Variants in TSC2 observed in about 807,000 individuals in gnomAD.
The protein encoded by TSC2 is TSC complex subunit 2, also known as tuberin.
In TSC2, 29 loss-of-function variants were observed where a neutral mutation model predicts 202.2. That is an observed-to-expected ratio of 0.14 (90% CI 0.11 to 0.20). TSC2 has a LOEUF of 0.20. Ranked by LOEUF, TSC2 falls within the 10% of genes least tolerant of loss-of-function variation. The pLI is 1.00. For synonymous variants in TSC2, 1,349 were observed against 1,044.0 expected (o/e 1.29, Z -5.63); for missense variants, 2,429 against 2,420.0 (o/e 1.00, Z -0.08).
chr16:2,060,024 G>A (rs986288079), intron 10 of TSC2, among the ~76,000 whole-genome samples: 2 of 152,220 alleles, frequency 1.3e-5, no homozygotes, highest in Non-Finnish European at 2.9e-5. Context: ...GTTGGCAGTG[G>A]AGGGGTGAAC....
chr16:2,063,318 C>T, intron 14 of TSC2: 1 of 589,394 alleles, frequency 1.7e-6, no homozygotes, highest in South Asian at 2.0e-5. Flanking sequence ...CGGTTTTCAC[C>T]CAACACAGGA....
rs746729857 is a variant in TSC2 at position 2,084,591 on chromosome 16, C to T, written c.4369C>T (p.Arg1457Trp). The T allele has an allele frequency of 3.1e-6, 5 of 1,604,974 alleles. No individual in the cohort carries two copies. Among genetic ancestry groups the T allele is most frequent in the Non-Finnish European group, 4.2e-6 (5 of 1,179,694 alleles). ...SSSPRSPSGLRPRGYTISDSA... is the reference protein window; with the variant it reads ...SSSPRSPSGLWPRGYTISDSA... Reference sequence around the variant, plus strand: ...CTCCCCCCGCTCGCCCAGTGGCCTCCGGCCCCGAGGTTACACCATCTCCGA... The same window carrying T: ...CTCCCCCCGCTCGCCCAGTGGCCTCTGGCCCCGAGGTTACACCATCTCCGA... The change falls in exon 34 of 42, where the codon CGG (arginine) becomes TGG (tryptophan). Residue 1457 changes from arginine to tryptophan, a missense_variant. Transcript: ENST00000219476.
chr16:2,082,451 C>T lies in TSC2; in HGVS notation c.3830C>T (p.Ser1277Phe), dbSNP rs1330915229. 1.2e-6 allele frequency: 2 copies of T among 1,612,560 alleles called. No individual in the cohort carries two copies. The highest frequency in any genetic ancestry group is 1.3e-5 in the African/African-American group (1 of 75,066). The change falls in exon 32 of 42, where the codon TCC becomes TTC. Residue 1277 changes from serine to phenylalanine, a missense_variant. Coordinates refer to ENST00000219476, the MANE Select transcript of TSC2 (RefSeq NM_000548.5). ...PRSNTVASFSSLYQSSCQGQL... is the reference protein window; with the variant it reads ...PRSNTVASFSFLYQSSCQGQL... ...TCCCTTGCAGTGGCCTCTTTCTCCTCCCTGTACCAGTCCAGCTGCCAAGGA... is the reference window on the plus strand; with the variant it reads ...TCCCTTGCAGTGGCCTCTTTCTCCTTCCTGTACCAGTCCAGCTGCCAAGGA...
rs2088180351 is a variant in TSC2, at chr16:2,070,703, C to T, written c.1839+125C>T. ...ATGGGGCCTCAGCTGACCGTCCCTC[C>T]TCTGCACCCACTGTGGCCGCAGCCT... On this transcript the variant is annotated intron_variant, in intron 17 of 41. Transcript: ENST00000219476. The T allele has an allele frequency of 3.4e-6, 5 of 1,489,400 alleles. No individual in the cohort carries two copies. The African/African-American group carries it at 4.2e-5, about 12-fold the overall frequency. The allele number at this position is 1,489,400 out of a possible 1,614,324, so 92.3% of individuals were successfully genotyped here. A position where few individuals can be genotyped will look rare whatever the true frequency, so the allele number is the denominator to read the frequency against.
In TSC2 at chr16:2,089,420, G is replaced by T; in HGVS notation, c.*810G>T. The T allele has an allele frequency of 2.1e-6, 1 of 470,018 alleles. No homozygotes were observed. Among genetic ancestry groups the T allele is most frequent in the Admixed American group, 3.6e-5 (1 of 27,476 alleles). The allele number at this position is 470,018 out of a possible 1,614,324, so 29.1% of individuals were successfully genotyped here. ...TTAGCAGTGGGGGACATCTGCCCAG[G>T]GGGTGGGGCCGGGCACAGCCCGCTG... On this transcript the variant is annotated 3_prime_UTR_variant, in exon 42 of 42. Coordinates refer to ENST00000219476, the MANE Select transcript of TSC2 (RefSeq NM_000548.5).
chr16:2,083,039 C>T (rs995370620), intron 32 of TSC2: 3 of 447,868 alleles, frequency 6.7e-6, no homozygotes, highest in Admixed American at 2.4e-5. Flanking sequence ...CACGTGCAGA[C>T]GAGCTGGTTT....
At chr16:2,073,058 T>G (rs1424414329) in intron 21 of TSC2, 75 bp downstream of exon 21, 1 of 1,604,792 alleles carries the variant, frequency 6.2e-7, no homozygotes, top group African/African-American at 1.3e-5. Flanking sequence ...AGGCCCCACA[T>G]TTTTCTCATA....
chr16:2,072,215 T>C (rs1241465829), intron 19 of TSC2, 26 bp from the exon 20 acceptor site: 1 of 1,613,668 alleles, frequency 6.2e-7, no homozygotes, highest in South Asian at 1.1e-5. Flanking sequence ...CAGAAGGCCC[T>C]GTCCTGACGC....
chr16:2,084,980 C>G lies in TSC2; in HGVS notation c.4523C>G (p.Pro1508Arg). 6.2e-7 allele frequency: 1 copy of G among 1,613,366 alleles called. No individual in the cohort carries two copies. The highest frequency in any genetic ancestry group is 8.5e-7 in the Non-Finnish European group (1 of 1,179,982). The change falls in exon 35 of 42, where the codon CCC becomes CGC. Residue 1508 changes from proline (P) to arginine (R), a missense_variant. Physicochemically the swap from Pro to Arg is moderately radical, Grantham distance 103. Coordinates refer to ENST00000219476, the MANE Select transcript of TSC2 (RefSeq NM_000548.5). ...GTGTTCCTGCAGCTCTACCATTCCC[C>G]CTTCTTTGGCGACGAGTCAAACAAG... ...SFVFLQLYHS[P>R]FFGDESNKPI...
chr16:2,077,907 G>A (rs901517073), intron 26 of TSC2, among the ~76,000 whole-genome samples, 181 bp downstream of exon 26: 2 of 152,170 alleles, frequency 1.3e-5, no homozygotes, highest in Admixed American at 1.3e-4. Flanking sequence ...CCCCGTATGA[G>A]CACGGGCTGG....
chr16:2,086,061 G>A, intron 36 of TSC2, 132 bp from the exon 37 acceptor site: 1 of 1,059,042 alleles, frequency 9.4e-7, no homozygotes, highest in Admixed American at 2.0e-5. Flanking sequence ...GGTGGCTGCT[G>A]GAATGGATGG....
At chr16:2,071,999 T>C (rs2151311120) in intron 19 of TSC2, 65 bp downstream of exon 19, 1 of 1,510,986 alleles carries the variant, frequency 6.6e-7, no homozygotes, top group Non-Finnish European at 8.9e-7. Flanking sequence ...AGCTGCCACC[T>C]GCCTGCTGGG....
intron 35 of TSC2, 68 bp downstream of exon 35, chr16:2,085,094 G>T: frequency 6.2e-7 from 1 of 1,607,022 alleles, no homozygotes; most frequent in Non-Finnish European, 8.5e-7. Flanking sequence ...GGGGGGCCCA[G>T]CTCTGCTGCT....
In TSC2 at chr16:2,072,354, C is replaced by T. The variant is rs369851248; in HGVS notation, c.2211C>T (p.Leu737=). ...GTGTGGACCAGCTGTGCTCTGCTCT[C>T]TGCTCCATGGTACCATGGCCGGCCT... is the stretch of plus-strand genomic sequence containing the variant. ...PCSVDQLCSA[L]CSMLSGPKTL... is the part of the protein sequence containing the mutation. Residue 737 remains leucine (L), a synonymous_variant, in exon 20 of 42, where the codon CTC becomes CTT. Coordinates refer to ENST00000219476, the MANE Select transcript of TSC2 (RefSeq NM_000548.5). The T allele has an allele frequency of 7.4e-6, 12 of 1,614,112 alleles. No homozygotes were observed. The highest frequency in any genetic ancestry group is 2.2e-5 in the East Asian group (1 of 44,874).
At chr16:2,083,947 C>T (rs2090448802) in intron 33 of TSC2, 131 bp downstream of exon 33, 12 of 1,430,772 alleles carry the variant, frequency 8.4e-6, no homozygotes, top group East Asian at 4.9e-5. Context: ...CCACATCCCT[C>T]GTGCACAGAC....
At chr16:2,072,494 CTG>C (rs1266664937) in intron 20 of TSC2, 131 bp downstream of exon 20, 2 of 1,419,298 alleles carry the variant, frequency 1.4e-6, no homozygotes, top group East Asian at 4.6e-5. Flanking sequence ...CAGCTGCACT[CTG>C]GAGCGCAGAT....
intron 31 of TSC2, chr16:2,082,160 C>G (rs1442657191): frequency 1.3e-5 from 8 of 594,754 alleles, no homozygotes; most frequent in Non-Finnish European, 2.4e-5. Flanking sequence ...GCCCCCACCC[C>G]ACTCGGCACC....
Position 2,080,547 on chromosome 16 carries a change from A to G in TSC2, c.3610+170A>G, listed in dbSNP as rs9933952. 2.3e-4 allele frequency: 177 copies of G among 753,398 alleles called. 1 individual carries two copies. The highest frequency in any genetic ancestry group is 1.6e-3 in the Admixed American group (57 of 35,814). The allele number at this position is 753,398 out of a possible 1,614,324, so 46.7% of individuals were successfully genotyped here. A position where few individuals can be genotyped will look rare whatever the true frequency, so the allele number is the denominator to read the frequency against. Reference sequence around the variant, plus strand: ...GGCCCACGCTGGAACGCAGTGGCGCAATCTCGGCTCACTGCAAGCTCCACC... The same window carrying G: ...GGCCCACGCTGGAACGCAGTGGCGCGATCTCGGCTCACTGCAAGCTCCACC... On this transcript the variant is annotated intron_variant, in intron 30 of 41. Coordinates refer to ENST00000219476, the MANE Select transcript of TSC2 (RefSeq NM_000548.5).
At chr16:2,077,890 C>T (rs541106004) in intron 26 of TSC2, among the ~76,000 whole-genome samples, 164 bp downstream of exon 26, 31 of 152,266 alleles carry the variant, frequency 2.0e-4, no homozygotes, top group African/African-American at 7.0e-4. Flanking sequence ...TGCATTCTGT[C>T]CCCAGGCCCC....
Sources: gnomAD v4.1 joint callset for allele counts (sites outside exome capture counted in the v4.1 genomes callset) on GRCh38, gnomAD v4.1.1 for gene constraint, MANE v1.5 for transcripts, NCBI Gene and HGNC (gene_info 2026-07-23, HGNC 2026-07-21) for gene names.